The following ZNF521 variants were observed in gnomAD, a reference collection of about 807,000 sequenced individuals.
ZNF521 encodes the protein LYST-interacting protein 3.
A neutral mutation model predicts 105.5 loss-of-function variants in ZNF521; 14 were observed. That is an observed-to-expected ratio of 0.13 (90% CI 0.09 to 0.21). The LOEUF (loss-of-function observed/expected upper bound fraction) is 0.21. Ranked by LOEUF, ZNF521 falls within the 10% of genes least tolerant of loss-of-function variation. The pLI is 1.00. For synonymous variants in ZNF521, 635 were observed against 606.0 expected, an observed-to-expected ratio of 1.05 and a Z score of -0.70; for missense variants, 1,233 against 1,629.7, an observed-to-expected ratio of 0.76 and a Z score of 4.19.
intron 5 of ZNF521, among the ~76,000 whole-genome samples, chr18:25,103,548 T>C (rs2144266546): frequency 6.6e-6 from 1 of 152,188 alleles, no homozygotes; most frequent in South Asian, 2.1e-4. Flanking sequence ...GTATGGAAAA[T>C]AGGTCAGCTC....
chr18:25,212,539 ATATATAT>A lies in ZNF521; in HGVS notation c.3573+11799_3573+11805del, dbSNP rs1173028928. Among the ~76,000 whole-genome samples, 32 of 47,894 alleles carry A rather than the reference ATATATAT, an allele frequency of 6.7e-4. 1 individual carries two copies. Among genetic ancestry groups the A allele is most frequent in the African/African-American group, 3.0e-3 (27 of 9,038 alleles). 31.4% of individuals were successfully genotyped at this position (47,894 alleles called of 152,430 possible). A position where few individuals can be genotyped will look rare whatever the true frequency, so the allele number is the denominator to read the frequency against. ...AAAAAAAAAAAAAAAAAAAAAAAAAATATATATATATATATATATATATATATGTATA... is the reference window on the plus strand; with the variant it reads ...AAAAAAAAAAAAAAAAAAAAAAAAAAATATATATATATATATATATGTATA... On this transcript the variant is annotated intron_variant, in intron 4 of 7. Transcript: ENST00000361524.
chr18:25,346,178 T>G (rs1279003757), intron 2 of ZNF521, among the ~76,000 whole-genome samples: 1 of 151,894 alleles, frequency 6.6e-6, no homozygotes, highest in Admixed American at 6.6e-5. Context: ...CTTGGGGGCT[T>G]TTTTTTTCTA....
At chr18:25,112,750 T>C (rs2034218316) in intron 5 of ZNF521, among the ~76,000 whole-genome samples, 1 of 152,202 alleles carries the variant, frequency 6.6e-6, no homozygotes. Context: ...AGCCTGTTCG[T>C]GTCTAACTGC....
intron 3 of ZNF521, among the ~76,000 whole-genome samples, chr18:25,287,294 C>T (rs1910762610): frequency 1.3e-5 from 2 of 152,144 alleles, no homozygotes; most frequent in Non-Finnish European, 1.5e-5. Context: ...GCGCTTAATG[C>T]CAACAACGTA....
At chr18:25,322,326 CAGG>C in intron 2 of ZNF521, 139 bp from the exon 3 acceptor site, 4 of 859,366 alleles carry the variant, frequency 4.7e-6, no homozygotes, top group Non-Finnish European at 7.9e-6. Context: ...GATTTTATTA[CAGG>C]AGAATCAAAA....
At chr18:25,298,794 T>C (rs928944761) in intron 3 of ZNF521, among the ~76,000 whole-genome samples, 3 of 152,112 alleles carry the variant, frequency 2.0e-5, no homozygotes, top group African/African-American at 4.8e-5. Flanking sequence ...ACTGTGAAAA[T>C]TGGAAGCAAT....
chr18:25,247,845 A>C (rs1364649273), intron 3 of ZNF521, among the ~76,000 whole-genome samples: 1 of 152,190 alleles, frequency 6.6e-6, no homozygotes, highest in East Asian at 1.9e-4. Flanking sequence ...CCTAAAGTGA[A>C]GGAGTATCCC....
chr18:25,235,460 C>T (rs1188556077), intron 3 of ZNF521, among the ~76,000 whole-genome samples: 1 of 152,002 alleles, frequency 6.6e-6, no homozygotes, highest in African/African-American at 2.4e-5. Flanking sequence ...ATCTTAGAAA[C>T]TTCATTTCAC....
At chr18:25,294,781 G>A (rs1911229148) in intron 3 of ZNF521, among the ~76,000 whole-genome samples, 1 of 145,948 alleles carries the variant, frequency 6.9e-6, no homozygotes, top group South Asian at 2.3e-4. Flanking sequence ...CTTGAACCCA[G>A]GAGGCGGAGA....
intron 3 of ZNF521, among the ~76,000 whole-genome samples, chr18:25,259,857 A>G (rs1908790439): frequency 6.6e-6 from 1 of 152,202 alleles, no homozygotes; most frequent in East Asian, 1.9e-4. Context: ...ACTAAAAGGA[A>G]GAAGAGGAGG....
At chr18:25,154,760 C>T (rs1161688002) in intron 5 of ZNF521, among the ~76,000 whole-genome samples, 3 of 152,158 alleles carry the variant, frequency 2.0e-5, no homozygotes, top group African/African-American at 7.2e-5. Context: ...GTCTAGTACA[C>T]ACCTTCTCTT....
At chr18:25,140,677 G>A (rs899808841) in intron 5 of ZNF521, among the ~76,000 whole-genome samples, 6 of 152,290 alleles carry the variant, frequency 3.9e-5, no homozygotes, top group East Asian at 1.9e-4. Flanking sequence ...GGCCAGTGCC[G>A]TTTTGATAAG....
At chr18:25,291,914 A>T (rs574090108) in intron 3 of ZNF521, among the ~76,000 whole-genome samples, 19 of 151,998 alleles carry the variant, frequency 1.3e-4, no homozygotes, top group African/African-American at 4.1e-4. Flanking sequence ...GTCATTTGGA[A>T]GTTCCAATCA....
chr18:25,322,607 C>T (rs55672853), intron 2 of ZNF521, among the ~76,000 whole-genome samples: 22,574 of 149,790 alleles, frequency 0.15, 2,227 homozygotes, highest in Non-Finnish European at 0.21. Context: ...TACTCTTTCA[C>T]GGGAAATTAC....
intron 1 of ZNF521, 48 bp from the exon 2 acceptor site, chr18:25,350,995 T>A: frequency 6.8e-7 from 1 of 1,466,078 alleles, no homozygotes; most frequent in Non-Finnish European, 9.1e-7. Context: ...TGAAAGAAAC[T>A]ATACTTCCTC....
intron 3 of ZNF521, among the ~76,000 whole-genome samples, chr18:25,276,522 G>A (rs191449755): frequency 6.6e-6 from 1 of 152,228 alleles, no homozygotes; most frequent in Admixed American, 6.5e-5. Context: ...AATACATGGA[G>A]ACAGAGAAAG....
chr18:25,230,605 A>C (rs1600185808), intron 3 of ZNF521, among the ~76,000 whole-genome samples: 1 of 78,838 alleles, frequency 1.3e-5, no homozygotes, highest in South Asian at 4.4e-4. Context: ...GAAACTGTAG[A>C]AGATTCTTTC....
intron 2 of ZNF521, among the ~76,000 whole-genome samples, chr18:25,346,182 TTTTC>T (rs1474178551): frequency 6.6e-6 from 1 of 152,098 alleles, no homozygotes; most frequent in Non-Finnish European, 1.5e-5. Context: ...GGGGCTTTTT[TTTTC>T]TAATTATGTC....
intron 7 of ZNF521, among the ~76,000 whole-genome samples, chr18:25,074,001 G>A (rs923573210): frequency 5.3e-5 from 8 of 152,094 alleles, no homozygotes; most frequent in Non-Finnish European, 7.4e-5. Flanking sequence ...ACTGTGTTAA[G>A]TATGAGCCAC....
Sources: allele counts gnomAD v4.1 joint callset (sites outside exome capture counted in the v4.1 genomes callset), GRCh38; gene constraint gnomAD v4.1.1; transcripts MANE v1.5; gene names NCBI Gene and HGNC (gene_info 2026-07-23, HGNC 2026-07-21).